PPP2R5E: variants seen among roughly 807,000 people sequenced by gnomAD.
PPP2R5E encodes serine/threonine-protein phosphatase 2A 56 kDa regulatory subunit epsilon isoform.
PPP2R5E carries 4 observed loss-of-function variants against 65.3 expected under a neutral mutation model. The observed-to-expected ratio is 0.06, with a 90% CI of 0.03 to 0.14. The LOEUF is 0.14. Ranked by LOEUF, PPP2R5E falls within the 10% of genes least tolerant of loss-of-function variation. PPP2R5E has a pLI of 1.00. For missense variants in PPP2R5E, 274 were observed against 556.1 expected, an observed-to-expected ratio of 0.49 and a Z score of 5.10; for synonymous variants, 183 against 187.4, an observed-to-expected ratio of 0.98 and a Z score of 0.19.
chr14:63,439,414 G>A (rs1378567825), intron 3 of PPP2R5E, among the ~76,000 whole-genome samples: 4 of 149,928 alleles, frequency 2.7e-5, no homozygotes, highest in African/African-American at 7.4e-5. Context: ...TGCTCTTGTT[G>A]CCCAGGCTAG....
chr14:63,473,612 A>C (rs1362861078), intron 2 of PPP2R5E, among the ~76,000 whole-genome samples: 1 of 152,200 alleles, frequency 6.6e-6, no homozygotes, highest in Non-Finnish European at 1.5e-5. Context: ...GAAACAACCA[A>C]AACAGCTCTC....
rs1451570328 is a variant in PPP2R5E, at chr14:63,539,710, TCA to T, written c.-7-20_-7-19del. 3 of 1,602,226 alleles carry T rather than the reference TCA, an allele frequency of 1.9e-6. No individual in the cohort carries two copies. The highest frequency in any genetic ancestry group is 2.7e-5 in the African/African-American group (2 of 74,660). ...TATCCCTACTGAAGAGAAAGAAGTA[TCA>T]TAAACCCATACATTCCCAAGGTGGA... is the stretch of plus-strand genomic sequence containing the variant. On this transcript the variant is annotated intron_variant, in intron 1 of 13. Transcript: ENST00000337537.
intron 4 of PPP2R5E, among the ~76,000 whole-genome samples, chr14:63,417,496 A>T (rs894618397): frequency 6.6e-6 from 1 of 151,844 alleles, no homozygotes; most frequent in Non-Finnish European, 1.5e-5. Flanking sequence ...GAGGAAAAAA[A>T]AAAAAAAAAG....
chr14:63,541,648 T>C (rs1232140153), intron 1 of PPP2R5E, among the ~76,000 whole-genome samples: 1 of 152,182 alleles, frequency 6.6e-6, no homozygotes, highest in African/African-American at 2.4e-5. Context: ...ACAAGACAAG[T>C]GGTTTTTAAC....
chr14:63,525,264 A>G (rs1477341942), intron 2 of PPP2R5E, among the ~76,000 whole-genome samples: 1 of 152,228 alleles, frequency 6.6e-6, no homozygotes, highest in Non-Finnish European at 1.5e-5. Context: ...CAGCCATTCC[A>G]GAAAAATGTT....
intron 2 of PPP2R5E, among the ~76,000 whole-genome samples, chr14:63,504,740 G>A (rs1208625023): frequency 1.3e-5 from 2 of 152,226 alleles, no homozygotes; most frequent in South Asian, 2.1e-4. Context: ...TAGAATGCAA[G>A]TGCCTTACAC....
Position 63,405,080 on chromosome 14 carries a change from T to C in PPP2R5E, c.550-8364A>G, listed in dbSNP as rs369000417. On this transcript the variant is annotated intron_variant, in intron 5 of 13. Coordinates refer to ENST00000337537, the MANE Select transcript of PPP2R5E (RefSeq NM_006246.5). Reference sequence around the variant, plus strand: ...TGCACAAATTATACAACCAGGAAGCTGGCTCTGAATGCAGGAGTCAGAGCA... The same window carrying C: ...TGCACAAATTATACAACCAGGAAGCCGGCTCTGAATGCAGGAGTCAGAGCA... Among the ~76,000 whole-genome samples the C allele has an allele frequency of 5.4e-4, 83 of 152,356 alleles. 1 individual carries two copies. The South Asian group carries it at 0.013, about 24-fold the overall frequency.
chr14:63,460,731 A>AT lies in PPP2R5E; in HGVS notation c.158-6847_158-6846insA, dbSNP rs545111164. ...TCCAGTTTCCCTTTCCCAAAAGCTA[A>AT]CAATATGCTCTCCAATTTACAAATA... On this transcript the variant is annotated intron_variant, in intron 2 of 13. Transcript: ENST00000337537. 1.6e-3 allele frequency among the ~76,000 whole-genome samples: 242 copies of AT among 152,312 alleles called. 9 individuals carry two copies. The South Asian group carries it at 0.049, about 31-fold the overall frequency.
chr14:63,465,313 C>A (rs1178201027), intron 2 of PPP2R5E, among the ~76,000 whole-genome samples: 1 of 151,716 alleles, frequency 6.6e-6, no homozygotes, highest in Non-Finnish European at 1.5e-5. Flanking sequence ...TGAAGTATTT[C>A]TAGAAACATT....
intron 5 of PPP2R5E, among the ~76,000 whole-genome samples, chr14:63,408,695 G>A (rs974879594): frequency 6.6e-6 from 1 of 151,992 alleles, no homozygotes; most frequent in Non-Finnish European, 1.5e-5. Context: ...TCTTTCTGAT[G>A]GTGAGTCTTT....
At chr14:63,437,645 A>G (rs146241750) in intron 3 of PPP2R5E, among the ~76,000 whole-genome samples, 1 of 152,274 alleles carries the variant, frequency 6.6e-6, no homozygotes, top group East Asian at 1.9e-4. Context: ...GGTCTATCCT[A>G]TTCTCATAAA....
chr14:63,520,457 A>G (rs1206147758), intron 2 of PPP2R5E, among the ~76,000 whole-genome samples: 1 of 152,212 alleles, frequency 6.6e-6, no homozygotes, highest in Non-Finnish European at 1.5e-5. Context: ...TTGGAATTCT[A>G]TCTTTGTCTG....
chr14:63,491,140 G>A (rs1891267254), intron 2 of PPP2R5E, among the ~76,000 whole-genome samples: 1 of 152,106 alleles, frequency 6.6e-6, no homozygotes, highest in Non-Finnish European at 1.5e-5. Context: ...AAAGCCAAAT[G>A]CTGCATATTT....
At chr14:63,491,371 A>G (rs563994409) in intron 2 of PPP2R5E, among the ~76,000 whole-genome samples, 23 of 151,594 alleles carry the variant, frequency 1.5e-4, no homozygotes, top group Admixed American at 3.3e-4. Flanking sequence ...CCCTGAATCT[A>G]TAATTTTAAA....
chr14:63,510,199 G>A (rs543705290), intron 2 of PPP2R5E, among the ~76,000 whole-genome samples: 1 of 152,306 alleles, frequency 6.6e-6, no homozygotes, highest in East Asian at 1.9e-4. Flanking sequence ...TCAACGAATA[G>A]GAGAAAACCA....
intron 2 of PPP2R5E, among the ~76,000 whole-genome samples, chr14:63,512,986 T>A (rs1892521562): frequency 1.5e-5 from 2 of 131,820 alleles, no homozygotes; most frequent in Admixed American, 7.2e-5. Context: ...AACCCCATTC[T>A]CCACCCCCCT....
At chr14:63,450,048 G>C (rs997880305) in intron 3 of PPP2R5E, among the ~76,000 whole-genome samples, 11 of 151,778 alleles carry the variant, frequency 7.2e-5, no homozygotes, top group Non-Finnish European at 1.0e-4. Context: ...GCTAATTTTT[G>C]TATTTTTAGT....
intron 5 of PPP2R5E, among the ~76,000 whole-genome samples, chr14:63,397,929 A>ATAT (rs1271715275): frequency 5.9e-5 from 9 of 152,086 alleles, no homozygotes; most frequent in African/African-American, 2.2e-4. Context: ...GGGTTTCACC[A>ATAT]TATTGGTCAG....
chr14:63,448,349 C>T (rs1299676930), intron 3 of PPP2R5E, among the ~76,000 whole-genome samples: 1 of 152,082 alleles, frequency 6.6e-6, no homozygotes, highest in South Asian at 2.1e-4. Flanking sequence ...AAAGATCTCT[C>T]ATCACAGATC....
Sources: allele counts gnomAD v4.1 joint callset (sites outside exome capture counted in the v4.1 genomes callset), GRCh38; gene constraint gnomAD v4.1.1; transcripts MANE v1.5; gene names NCBI Gene and HGNC (gene_info 2026-07-23, HGNC 2026-07-21).